The following TMPRSS6 variants were observed in gnomAD, a reference collection of about 807,000 sequenced individuals.
TMPRSS6 encodes the protein transmembrane serine protease 6.
TMPRSS6 carries 67 observed loss-of-function variants against 101.5 expected under a neutral mutation model. That is an observed-to-expected ratio of 0.66 (90% CI 0.54 to 0.81). The LOEUF is 0.81. TMPRSS6 is among the 30% of genes least tolerant of loss of function. The pLI, the probability that TMPRSS6 is intolerant of heterozygous loss-of-function variation, is 0.00. For synonymous variants in TMPRSS6, 453 were observed against 464.9 expected, an observed-to-expected ratio of 0.97 and a Z score of 0.33; for missense variants, 1,034 against 1,088.7, an observed-to-expected ratio of 0.95 and a Z score of 0.71.
chr22:37,096,214 A>G, intron 4 of TMPRSS6, 124 bp from the exon 5 acceptor site: 1 of 1,111,164 alleles, frequency 9.0e-7, no homozygotes, highest in South Asian at 1.3e-5. Flanking sequence ...TTCACGCAGA[A>G]GCCTCCTAGC....
chr22:37,072,929 T>C (rs930769101), intron 13 of TMPRSS6, among the ~76,000 whole-genome samples: 8 of 143,980 alleles, frequency 5.6e-5, no homozygotes, highest in Non-Finnish European at 1.2e-4. Flanking sequence ...TATGGATGGA[T>C]GATGGACAGA....
In TMPRSS6 at chr22:37,089,697, G is replaced by A. The variant is rs770614371; in HGVS notation, c.717C>T (p.His239=). 2.5e-6 allele frequency: 4 copies of A among 1,612,324 alleles called. No individual in the cohort carries two copies. In the South Asian group the frequency reaches 4.4e-5, roughly 18 times the overall value. Residue 239 remains histidine (H), a synonymous_variant, in exon 7 of 18, where the codon CAC becomes CAT. Coordinates refer to ENST00000676104, the MANE Select transcript of TMPRSS6 (RefSeq NM_001374504.1). The stretch of plus-strand genomic sequence containing the variant: ...GCATGAGGTCCTTGGGGCCCTGCAG[G>A]TGCCACAGGCAGCTGGAGGCCAGGT... The part of the protein sequence containing the change: ...PDHLASSCLW[H]LQGPKDLMLK...
chr22:37,091,867 T>C (rs1391006567), intron 6 of TMPRSS6, among the ~76,000 whole-genome samples: 6 of 152,172 alleles, frequency 3.9e-5, no homozygotes, highest in Non-Finnish European at 8.8e-5. Context: ...TACACTTTGC[T>C]CTGATGCTGC....
At chr22:37,100,999 C>T (rs556290924) in intron 2 of TMPRSS6, among the ~76,000 whole-genome samples, 4 of 152,224 alleles carry the variant, frequency 2.6e-5, no homozygotes, top group East Asian at 1.9e-4. Flanking sequence ...GGGATGTTGG[C>T]GAGCTTGACA....
intron 13 of TMPRSS6, among the ~76,000 whole-genome samples, chr22:37,072,035 G>A (rs1926978801): frequency 6.7e-6 from 1 of 148,800 alleles, no homozygotes; most frequent in African/African-American, 2.5e-5. Context: ...CGGATGAATG[G>A]ATGGATGGTG....
Position 37,103,194 on chromosome 22 carries a change from C to T in TMPRSS6, c.202+22G>A, listed in dbSNP as rs1479703643. The stretch of plus-strand genomic sequence containing the variant: ...CCCAAGTCCTCCCCAGGTGCCTCTC[C>T]CAGGCGGTCCCACAACGTTACCTAG... On this transcript the variant is annotated intron_variant, in intron 2 of 17. Transcript: ENST00000676104. This position sits in a 1 kb window ranked among gnomAD's most constrained non-coding sequence, Gnocchi z 4.4. 2 of 1,613,224 alleles carry T rather than the reference C, an allele frequency of 1.2e-6. No individual in the cohort carries two copies.
chr22:37,067,424 G>A (rs953394838), intron 16 of TMPRSS6, among the ~76,000 whole-genome samples: 6 of 152,042 alleles, frequency 3.9e-5, no homozygotes, highest in Admixed American at 6.6e-5. Flanking sequence ...CCGAGATCGC[G>A]CCATTGCACT....
intron 6 of TMPRSS6, among the ~76,000 whole-genome samples, chr22:37,091,619 A>G (rs5756508): frequency 0.44 from 67,540 of 152,072 alleles, 15,302 homozygotes; most frequent in African/African-American, 0.52. Flanking sequence ...TCTGTCCCCA[A>G]TCATTGTCTG....
In TMPRSS6 at chr22:37,069,439, G is replaced by C; in HGVS notation, c.1842-95C>G. On this transcript the variant is annotated intron_variant, in intron 15 of 17. Coordinates refer to ENST00000676104, the MANE Select transcript of TMPRSS6 (RefSeq NM_001374504.1). The surrounding 1 kb of genome is among the most constrained non-coding windows in gnomAD (Gnocchi z 4.8). ...GGACCCTCAAGATAGCCAGATCCCC[G>C]CCCGGGACAGTGCCCTCCACACCCA... The C allele has an allele frequency of 2.4e-6, 3 of 1,225,468 alleles. No homozygotes were observed. Among genetic ancestry groups the C allele is most frequent in the Non-Finnish European group, 3.4e-6 (3 of 882,472 alleles). The allele number at this position is 1,225,468 out of a possible 1,614,324, so 75.9% of individuals were successfully genotyped here.
At chr22:37,077,951 G>A (rs376989452) in intron 10 of TMPRSS6, among the ~76,000 whole-genome samples, 1 of 152,234 alleles carries the variant, frequency 6.6e-6, no homozygotes, top group East Asian at 1.9e-4. Flanking sequence ...GCCCAGCAGG[G>A]CCGGTGGGGG....
At chr22:37,068,777 G>T in intron 16 of TMPRSS6, 1 of 735,866 alleles carries the variant, frequency 1.4e-6, no homozygotes, top group East Asian at 2.5e-5. Context: ...TGCAGCCCAA[G>T]GAACAGCAGG....
chr22:37,074,683 A>G lies in TMPRSS6; in HGVS notation c.1368T>C (p.Ser456=). The G allele has an allele frequency of 2.5e-6, 4 of 1,614,216 alleles. No homozygotes were observed. Among genetic ancestry groups the G allele is most frequent in the East Asian group, 2.2e-5 (1 of 44,880 alleles). ...AGGCAGGGACACAGAGTCCATTCACAGAACAGAGGAACTCTCCAGGGCAGG... is the reference window on the plus strand; with the variant it reads ...AGGCAGGGACACAGAGTCCATTCACGGAACAGAGGAACTCTCCAGGGCAGG... ...SDPCPGEFLC[S]VNGLCVPACD... Residue 456 remains serine (S), a synonymous_variant, in exon 12 of 18, where the codon TCT becomes TCC. Transcript: ENST00000676104.
chr22:37,080,424 G>A (rs1928172639), intron 10 of TMPRSS6, among the ~76,000 whole-genome samples: 1 of 152,192 alleles, frequency 6.6e-6, no homozygotes, highest in Admixed American at 6.5e-5. Context: ...TCCATCAATG[G>A]GCATTCTGGG....
rs371466445 is a variant in TMPRSS6, at chr22:37,097,782, A to G, written c.336+634T>C. Among the ~76,000 whole-genome samples, 120 of 96,408 alleles carry G rather than the reference A, an allele frequency of 1.2e-3. 1 individual carries two copies. The highest frequency in any genetic ancestry group is 1.7e-3 in the Admixed American group (18 of 10,384). 63.2% of individuals were successfully genotyped at this position (96,408 alleles called of 152,430 possible). Reference sequence around the variant, plus strand: ...CACTGTCCTGTAACGGAGGGGCAGGAGTGGGCCACCGTCCTGTAACGGAGG... The same window carrying G: ...CACTGTCCTGTAACGGAGGGGCAGGGGTGGGCCACCGTCCTGTAACGGAGG... On this transcript the variant is annotated intron_variant, in intron 3 of 17. Transcript: ENST00000676104.
At chr22:37,095,620 A>C in intron 5 of TMPRSS6, 28 bp from the exon 6 acceptor site, 1 of 1,555,310 alleles carries the variant, frequency 6.4e-7, no homozygotes, top group Middle Eastern at 1.7e-4. Context: ...ACAAACAAAT[A>C]AACAAGAACA....
Position 37,089,781 on chromosome 22 carries a change from A to G in TMPRSS6, c.633T>C (p.Gly211=), listed in dbSNP as rs199667430. Residue 211 remains glycine (G), a splice_region_variant and synonymous_variant, in exon 7 of 18, where the codon GGT becomes GGC. Coordinates refer to ENST00000676104, the MANE Select transcript of TMPRSS6 (RefSeq NM_001374504.1). ...GGCCCACGTAGCTGTAGCGGTAACA[A>G]CCTGGAGCGGGGAGAGGGGCACAGC... ...KDIAALNSTL[G]CYRYSYVGQG... 1.2e-6 allele frequency: 2 copies of G among 1,611,410 alleles called. No homozygotes were observed. Among genetic ancestry groups the G allele is most frequent in the African/African-American group, 2.7e-5 (2 of 75,024 alleles).
chr22:37,070,812 TAG>T (rs984728439), intron 14 of TMPRSS6, 102 bp downstream of exon 14: 4 of 1,342,102 alleles, frequency 3.0e-6, no homozygotes, highest in African/African-American at 1.4e-5. Flanking sequence ...GAGGATGAGA[TAG>T]AGAGAGACCA....
intron 8 of TMPRSS6, 23 bp downstream of exon 8, chr22:37,086,260 C>G (rs764808782): frequency 5.0e-6 from 8 of 1,613,972 alleles, no homozygotes. Context: ...CCTCCCCTGC[C>G]CCAGGGACCC....
Position 37,074,786 on chromosome 22 carries a change from C to T in TMPRSS6, c.1343-78G>A, listed in dbSNP as rs571221688. The T allele has an allele frequency of 1.1e-4, 164 of 1,444,522 alleles. 1 individual carries two copies. The highest frequency in any genetic ancestry group is 2.0e-4 in the South Asian group (17 of 85,368). 89.5% of individuals were successfully genotyped at this position (1,444,522 alleles called of 1,614,324 possible). On this transcript the variant is annotated intron_variant, in intron 11 of 17. Coordinates refer to ENST00000676104, the MANE Select transcript of TMPRSS6 (RefSeq NM_001374504.1). ...GTAGCCGCGAAGGCGCACAAAGACA[C>T]GCATGCACCTGTTCACTCACACGCG... is the stretch of plus-strand genomic sequence containing the variant.
Sources: allele counts gnomAD v4.1 joint callset (sites outside exome capture counted in the v4.1 genomes callset), GRCh38; gene constraint gnomAD v4.1.1; non-coding constraint Gnocchi (gnomAD v3.1); transcripts MANE v1.5; gene names NCBI Gene and HGNC (gene_info 2026-07-23, HGNC 2026-07-21).